CFAP410: variants seen among roughly 807,000 people sequenced by gnomAD.
CFAP410 encodes cilia- and flagella-associated protein 410.
CFAP410 carries 27 observed loss-of-function variants against 25.7 expected under a neutral mutation model. That is an observed-to-expected ratio of 1.05 (90% CI 0.77 to 1.45). The LOEUF (loss-of-function observed/expected upper bound fraction) is 1.45, where lower values mean the gene tolerates loss of function less well. Ranked by LOEUF, CFAP410 falls within the 40% of genes most tolerant of loss-of-function variation. The probability of loss-of-function intolerance (pLI) is 0.00; values close to 1 mark genes in which losing one functional copy is unlikely to be tolerated. For synonymous variants in CFAP410, 178 were observed against 158.4 expected (o/e 1.12, Z -0.93); for missense variants, 428 against 354.1 (o/e 1.21, Z -1.67).
At chr21:44,332,105 G>C in intron 4 of CFAP410, 91 bp from the exon 5 acceptor site, 4 of 1,076,740 alleles carry the variant, frequency 3.7e-6, no homozygotes, top group Non-Finnish European at 5.3e-6. Flanking sequence ...GTGGCTTCAG[G>C]CACAGTCTGC....
At chr21:44,338,334 G>T in intron 1 of CFAP410, 1 of 1,288,842 alleles carries the variant, frequency 7.8e-7, no homozygotes, top group Non-Finnish European at 1.0e-6. Context: ...CGGTCACTCT[G>T]CTGAGTCCCC....
intron 3 of CFAP410, chr21:44,333,501 T>C (rs551337364): frequency 3.4e-6 from 2 of 584,524 alleles, no homozygotes; most frequent in African/African-American, 1.9e-5. Context: ...AACAGCCCCT[T>C]GGCCCGACGC....
intron 2 of CFAP410, 31 bp downstream of exon 2, chr21:44,337,618 G>A: frequency 6.2e-7 from 1 of 1,605,162 alleles, no homozygotes; most frequent in Non-Finnish European, 8.5e-7. Context: ...GATGATCAGT[G>A]CAATACTTAC....
At position 44,330,828 on chromosome 21, in the gene CFAP410, C is replaced by T; in HGVS notation, c.637G>A (p.Gly213Ser). The part of the protein sequence containing the change: ...SARDASSSHR[G>S]RNVLTAILLL... The stretch of plus-strand genomic sequence containing the variant: ...CCTAGCGGCCCGCCACTCACCCTGC[C>T]CCTGTGGCTGCTCGAGGCATCCCTG... The change falls in exon 6 of 7, where the codon GGC becomes AGC. Residue 213 changes from glycine (G) to serine (S), a missense_variant. Gly to Ser is a moderately conservative substitution (Grantham distance 56). Transcript: ENST00000339818. 6.2e-7 allele frequency: 1 copy of T among 1,601,056 alleles called. No individual in the cohort carries two copies. Among genetic ancestry groups the T allele is most frequent in the Non-Finnish European group, 8.5e-7 (1 of 1,174,600 alleles).
At chr21:44,334,120 C>T in intron 3 of CFAP410, 1 of 456,296 alleles carries the variant, frequency 2.2e-6, no homozygotes, top group Non-Finnish European at 4.4e-6. Context: ...CAGGCACAGG[C>T]AGCAGCGTGA....
Position 44,331,779 on chromosome 21 carries a change from C to A in CFAP410, c.545+64G>T. ...CAGCTCACGGGAAGCCCCATTCACTCCCCGTGGGAGGACCCTGGGGGACAG... is the reference window on the plus strand; with the variant it reads ...CAGCTCACGGGAAGCCCCATTCACTACCCGTGGGAGGACCCTGGGGGACAG... On this transcript the variant is annotated intron_variant, in intron 5 of 6. Transcript: ENST00000339818. 2.6e-6 allele frequency: 4 copies of A among 1,514,912 alleles called. No individual in the cohort carries two copies. The South Asian group carries it at 4.8e-5, about 18-fold the overall frequency. 93.8% of individuals were successfully genotyped at this position (1,514,912 alleles called of 1,614,324 possible). A position where few individuals can be genotyped will look rare whatever the true frequency, so the allele number is the denominator to read the frequency against.
chr21:44,333,207 G>C lies in CFAP410; in HGVS notation c.199C>G (p.Leu67Val). ...GGGATGCGGTTCCTCCGCAGGTACA[G>C]CTCACTCAGGCGCTGGCACCGGCTC... is the stretch of plus-strand genomic sequence containing the variant. ...PVSRCQRLSELYLRRNRIPSL... is the reference protein window; with the variant it reads ...PVSRCQRLSEVYLRRNRIPSL... Residue 67 changes from leucine to valine, a missense_variant, in exon 4 of 7, where the codon CTG becomes GTG. Coordinates refer to ENST00000339818, the MANE Select transcript of CFAP410 (RefSeq NM_004928.3). The C allele has an allele frequency of 6.2e-7, 1 of 1,612,954 alleles. No individual in the cohort carries two copies. The highest frequency in any genetic ancestry group is 8.5e-7 in the Non-Finnish European group (1 of 1,179,944).
intron 1 of CFAP410, chr21:44,338,168 G>T: frequency 2.5e-6 from 2 of 786,302 alleles, no homozygotes; most frequent in Non-Finnish European, 3.4e-6. Context: ...CACGGGAATT[G>T]TAGCCAAAAC....
intron 2 of CFAP410, chr21:44,336,817 C>T (rs1411664057): frequency 1.3e-5 from 2 of 152,036 alleles, no homozygotes; most frequent in African/African-American, 2.4e-5. Context: ...GACATGGTGG[C>T]TCATACCTGT....
chr21:44,330,739 G>C, intron 6 of CFAP410, 84 bp downstream of exon 6: 3 of 1,550,692 alleles, frequency 1.9e-6, no homozygotes, highest in Middle Eastern at 1.7e-4. Flanking sequence ...GGCCCTGTGA[G>C]GCTCCATGCT....
chr21:44,333,332 C>T, intron 3 of CFAP410, 70 bp from the exon 4 acceptor site: 4 of 1,283,022 alleles, frequency 3.1e-6, no homozygotes, highest in Non-Finnish European at 4.4e-6. Context: ...CAATCCCCAC[C>T]CCCAGTAAAA....
rs2047599523 is a variant in CFAP410, at chr21:44,329,442, G to T, written c.*756C>A. 1 of 152,198 alleles carries T rather than the reference G, an allele frequency of 6.6e-6. No individual in the cohort carries two copies. The highest frequency in any genetic ancestry group is 6.5e-5 in the Admixed American group (1 of 15,290). 9.4% of individuals were successfully genotyped at this position (152,198 alleles called of 1,614,324 possible). A position where few individuals can be genotyped will look rare whatever the true frequency, so the allele number is the denominator to read the frequency against. Reference sequence around the variant, plus strand: ...GCCACGGGTCACTGCCCAGATTGTGGCATCCTCATAAGACTTGCGACTCTT... The same window carrying T: ...GCCACGGGTCACTGCCCAGATTGTGTCATCCTCATAAGACTTGCGACTCTT... On this transcript the variant is annotated 3_prime_UTR_variant, in exon 7 of 7. Transcript: ENST00000339818.
intron 2 of CFAP410, 87 bp downstream of exon 2, chr21:44,337,562 T>C (rs938474767): frequency 1.9e-5 from 24 of 1,262,222 alleles, no homozygotes; most frequent in Non-Finnish European, 2.6e-5. Context: ...AACTTAAAAA[T>C]TCTCTTGGGA....
At chr21:44,336,123 T>C (rs1319657068) in intron 2 of CFAP410, among the ~76,000 whole-genome samples, 5 of 149,734 alleles carry the variant, frequency 3.3e-5, no homozygotes, top group Non-Finnish European at 5.9e-5. Flanking sequence ...GCCCAGGGCC[T>C]GAGGGGAGCG....
chr21:44,330,984 C>T (rs1006234597), intron 5 of CFAP410, 65 bp from the exon 6 acceptor site: 2 of 1,396,082 alleles, frequency 1.4e-6, no homozygotes, highest in Non-Finnish European at 9.7e-7. Context: ...CCTCTGCAAA[C>T]CCTGTCTGCG....
rs1163151761 is a variant in CFAP410 at position 44,330,021 on chromosome 21, C to T, written c.*177G>A. 12 of 666,418 alleles carry T rather than the reference C, an allele frequency of 1.8e-5. No homozygotes were observed. Among genetic ancestry groups the T allele is most frequent in the Non-Finnish European group, 3.0e-5 (12 of 395,580 alleles). The allele number at this position is 666,418 out of a possible 1,614,324, so 41.3% of individuals were successfully genotyped here. On this transcript the variant is annotated 3_prime_UTR_variant, in exon 7 of 7. Coordinates refer to ENST00000339818, the MANE Select transcript of CFAP410 (RefSeq NM_004928.3). ...CAGGACTGGTGTAGACAGGCATCTC[C>T]ACCGCCCCGGTTAGCCAGTACCTAA...
intron 3 of CFAP410, chr21:44,334,583 G>A: frequency 3.9e-6 from 1 of 259,622 alleles, no homozygotes; most frequent in South Asian, 3.0e-5. Context: ...TCTGGACTCG[G>A]GCTCCATCTC....
chr21:44,338,157 A>T, intron 1 of CFAP410: 1 of 660,668 alleles, frequency 1.5e-6, no homozygotes, highest in East Asian at 8.3e-5. Context: ...AAAGCAAATG[A>T]CACGGGAATT....
In CFAP410 at chr21:44,330,255, A is replaced by T. The variant is rs771486173; in HGVS notation, c.714T>A (p.Thr238=). ...GCAGGGCCTGCAGCCGGCTGCCCAC[A>T]GTCTGCTGCACGGCCTCCAGCCCCT... ...DAEGLEAVQQ[T]VGSRLQALRG... Residue 238 remains threonine (T), a synonymous_variant, in exon 7 of 7, where the codon ACT becomes ACA. Coordinates refer to ENST00000339818, the MANE Select transcript of CFAP410 (RefSeq NM_004928.3). The T allele has an allele frequency of 6.2e-7, 1 of 1,601,184 alleles. No individual in the cohort carries two copies. The highest frequency in any genetic ancestry group is 1.7e-5 in the Admixed American group (1 of 58,732).
Sources: allele counts gnomAD v4.1 joint callset (sites outside exome capture counted in the v4.1 genomes callset), GRCh38; gene constraint gnomAD v4.1.1; transcripts MANE v1.5; gene names NCBI Gene and HGNC (gene_info 2026-07-23, HGNC 2026-07-21).